The following DIP2A variants were observed in gnomAD, a reference collection of about 807,000 sequenced individuals.
DIP2A encodes disco-interacting protein 2 homolog A.
Under a neutral mutation model 177.4 loss-of-function variants are expected in DIP2A, and 85 were observed. The ratio of observed to expected loss-of-function variants is 0.48; its 90% CI spans 0.40 to 0.57. The LOEUF is 0.57. Among genes scored for constraint, DIP2A ranks in the 20% least tolerant of loss-of-function variants. The pLI is 0.00. For missense variants in DIP2A, 1,791 were observed against 2,100.2 expected (o/e 0.85, Z 2.88); for synonymous variants, 886 against 881.8 (o/e 1.00, Z -0.08).
At chr21:46,506,749 TTTCTTTCTTTCTTTCTTTC>T (rs1266738305) in intron 6 of DIP2A, among the ~76,000 whole-genome samples, 1 of 133,252 alleles carries the variant, frequency 7.5e-6, no homozygotes, top group African/African-American at 2.9e-5. Flanking sequence ...TCTTTCTTTC[TTTCTTTCTTTCTTTCTTTC>T]TTTCTTTTCT....
At chr21:46,533,694 G>C in intron 11 of DIP2A, 47 bp downstream of exon 11, 1 of 1,609,630 alleles carries the variant, frequency 6.2e-7, no homozygotes, top group Non-Finnish European at 8.5e-7. Context: ...ACTGTGGTCT[G>C]TGTTAAATGC....
At chr21:46,519,161 A>G (rs1458547547) in intron 8 of DIP2A, among the ~76,000 whole-genome samples, 1 of 152,140 alleles carries the variant, frequency 6.6e-6, no homozygotes, top group Non-Finnish European at 1.5e-5. Flanking sequence ...CAATCATTGT[A>G]AGTAGTATAT....
At chr21:46,549,972 C>A in intron 22 of DIP2A, 87 bp downstream of exon 22, 1 of 1,577,186 alleles carries the variant, frequency 6.3e-7, no homozygotes, top group Non-Finnish European at 8.6e-7. Context: ...GTTGGCTTGT[C>A]CCGCCCGGTC....
Position 46,534,133 on chromosome 21 carries a change from T to C in DIP2A, c.1539+20T>C, listed in dbSNP as rs771832629. 3.2e-6 allele frequency: 5 copies of C among 1,574,616 alleles called. No individual in the cohort carries two copies. In the Admixed American group the frequency reaches 6.8e-5, roughly 21 times the overall value. ...ATTGAGGTAATGACTGTTCCTAACT[T>C]AGAGAATGTAAAAACATGTCCCACA... On this transcript the variant is annotated intron_variant, in intron 12 of 37. Transcript: ENST00000417564.
At position 46,470,405 on chromosome 21, in the gene DIP2A, C is replaced by T. The variant is rs546011247; in HGVS notation, c.91+11183C>T. Among the ~76,000 whole-genome samples the T allele has an allele frequency of 4.0e-5, 6 of 149,758 alleles. No individual in the cohort carries two copies. In the East Asian group the frequency reaches 1.2e-3, roughly 30 times the overall value. On this transcript the variant is annotated intron_variant, in intron 1 of 37. Transcript: ENST00000417564. ...GGGAGAATCACTTGAACCCAGGAGGCGGAGGTTGCGGTGAGCCGAGATCGT... is the reference window on the plus strand; with the variant it reads ...GGGAGAATCACTTGAACCCAGGAGGTGGAGGTTGCGGTGAGCCGAGATCGT...
chr21:46,471,219 CAG>C (rs1463144651), intron 1 of DIP2A, among the ~76,000 whole-genome samples: 1 of 151,920 alleles, frequency 6.6e-6, no homozygotes, highest in Middle Eastern at 3.2e-3. Context: ...TTTTTAGATT[CAG>C]AGTCTCACCA....
chr21:46,576,620 A>G, the DIP2A span, among the ~76,000 whole-genome samples: 1 of 152,296 alleles, frequency 6.6e-6, no homozygotes, highest in South Asian at 2.1e-4. Flanking sequence ...AATAATTTAT[A>G]TTCCGCTGGG....
intron 1 of DIP2A, among the ~76,000 whole-genome samples, chr21:46,476,652 A>G (rs1442124635): frequency 2.3e-5 from 3 of 129,918 alleles, no homozygotes; most frequent in Non-Finnish European, 3.3e-5. Context: ...GCATCACTCT[A>G]TTTTTTTTTT....
At chr21:46,466,366 T>G (rs1441858574) in intron 1 of DIP2A, among the ~76,000 whole-genome samples, 2 of 121,618 alleles carry the variant, frequency 1.6e-5, no homozygotes, top group African/African-American at 3.1e-5. Flanking sequence ...TTTTTTTTTT[T>G]GAGATGGAGT....
intron 8 of DIP2A, among the ~76,000 whole-genome samples, chr21:46,519,095 G>A (rs548055410): frequency 2.2e-4 from 34 of 152,300 alleles, no homozygotes; most frequent in Non-Finnish European, 1.0e-4. Context: ...ACTTCCTGAC[G>A]TTGCCATGGC....
At chr21:46,543,013 G>T (rs1302232445) in intron 18 of DIP2A, among the ~76,000 whole-genome samples, 3 of 152,248 alleles carry the variant, frequency 2.0e-5, no homozygotes, top group Non-Finnish European at 1.5e-5. Flanking sequence ...GTGCACAGAT[G>T]CTGGGTCCTC....
At chr21:46,516,484 AT>A (rs779342846) in intron 8 of DIP2A, among the ~76,000 whole-genome samples, 1 of 92,876 alleles carries the variant, frequency 1.1e-5, no homozygotes, top group Non-Finnish European at 2.4e-5. Flanking sequence ...GTCTTCTGAA[AT>A]TTCTTTTTTT....
chr21:46,525,857 C>A (rs2059051602), intron 8 of DIP2A: 1 of 146,776 alleles, frequency 6.8e-6, no homozygotes, highest in Non-Finnish European at 1.5e-5. Context: ...AGAATTAACA[C>A]CTTTGCATTA....
Position 46,566,547 on chromosome 21 carries a change from A to G in DIP2A, c.4340-13A>G. The G allele has an allele frequency of 6.2e-7, 1 of 1,613,986 alleles. No homozygotes were observed. Among genetic ancestry groups the G allele is most frequent in the South Asian group, 1.1e-5 (1 of 91,076 alleles). ...TGGCTTTCTGGGCACGTGTAAACAC[A>G]CACTGTTCACAGGGCGGCACGATGC... On this transcript the variant is annotated splice_polypyrimidine_tract_variant and intron_variant, in intron 36 of 37. Transcript: ENST00000417564.
chr21:46,566,169 C>T (rs1332730127), intron 36 of DIP2A, among the ~76,000 whole-genome samples: 5 of 152,148 alleles, frequency 3.3e-5, no homozygotes, highest in African/African-American at 7.2e-5. Context: ...GTCTCTCTGC[C>T]GCTGTGTCTT....
At chr21:46,522,211 T>C (rs2058854462) in intron 8 of DIP2A, among the ~76,000 whole-genome samples, 1 of 152,254 alleles carries the variant, frequency 6.6e-6, no homozygotes, top group Non-Finnish European at 1.5e-5. Context: ...TCTGACAAGA[T>C]ATTTGGTTTA....
At chr21:46,555,479 CGG>C (rs2060433423) in intron 28 of DIP2A, 1 of 194,680 alleles carries the variant, frequency 5.1e-6, no homozygotes, top group African/African-American at 2.4e-5. Context: ...CAAAGCCTCA[CGG>C]GCTTGCCTCA....
intron 8 of DIP2A, among the ~76,000 whole-genome samples, chr21:46,520,504 T>G (rs7282515): frequency 0.35 from 52,668 of 152,048 alleles, 9,587 homozygotes; most frequent in Middle Eastern, 0.44. Context: ...TCCTCTATTC[T>G]AATGTCGCAA....
chr21:46,467,745 G>GT lies in DIP2A; in HGVS notation c.91+8533dup, dbSNP rs567583949. Among the ~76,000 whole-genome samples, 822 of 147,904 alleles carry GT rather than the reference G, an allele frequency of 5.6e-3. 4 individuals carry two copies. The highest frequency in any genetic ancestry group is 0.014 in the Middle Eastern group (4 of 294). On this transcript the variant is annotated intron_variant, in intron 1 of 37. Transcript: ENST00000417564. ...GGAATACCCTCTTTAGGTTTTGTTTGTTTTTTTTTTCATAGTAAATTATCC... is the reference window on the plus strand; with the variant it reads ...GGAATACCCTCTTTAGGTTTTGTTTGTTTTTTTTTTTCATAGTAAATTATCC...
Sources: gnomAD v4.1 joint callset for allele counts (sites outside exome capture counted in the v4.1 genomes callset) on GRCh38, gnomAD v4.1.1 for gene constraint, MANE v1.5 for transcripts, NCBI Gene and HGNC (gene_info 2026-07-23, HGNC 2026-07-21) for gene names.